The following ADGRL2 variants were observed in gnomAD, a reference collection of about 807,000 sequenced individuals.
ADGRL2 encodes the protein adhesion G protein-coupled receptor L2, also known as calcium-independent alpha-latrotoxin receptor 2.
Under a neutral mutation model 157.4 loss-of-function variants are expected in ADGRL2, and 44 were observed. The observed-to-expected ratio is 0.28, with a 90% CI of 0.22 to 0.36. The LOEUF (loss-of-function observed/expected upper bound fraction) is 0.36. ADGRL2 is among the 10% of genes least tolerant of loss of function. The pLI is 1.00. For missense variants in ADGRL2, 1,510 were observed against 1,768.9 expected (o/e 0.85, Z 2.63); for synonymous variants, 585 against 624.7 (o/e 0.94, Z 0.95).
At chr1:81,845,526 G>A (rs1274067468) in intron 2 of ADGRL2, among the ~76,000 whole-genome samples, 3 of 151,782 alleles carry the variant, frequency 2.0e-5, no homozygotes, top group Non-Finnish European at 2.9e-5. Context: ...TGTAAAAAAG[G>A]GTATCTGATT....
chr1:81,454,814 T>C (rs533514001), intron 2 of ADGRL2, among the ~76,000 whole-genome samples: 1 of 152,312 alleles, frequency 6.6e-6, no homozygotes, highest in Non-Finnish European at 1.5e-5. Context: ...CAAGCCAGAT[T>C]TGCTTAAACG....
At chr1:81,346,740 T>G (rs1411999498) in intron 1 of ADGRL2, among the ~76,000 whole-genome samples, 1 of 152,230 alleles carries the variant, frequency 6.6e-6, no homozygotes, top group African/African-American at 2.4e-5. Flanking sequence ...CACCTTGATC[T>G]TGGACTTCCC....
chr1:81,801,659 A>T (rs867345673), intron 1 of ADGRL2, among the ~76,000 whole-genome samples: 1 of 149,398 alleles, frequency 6.7e-6, no homozygotes. Flanking sequence ...CCGAAATGTG[A>T]GGAGGGGTCG....
At chr1:81,590,685 A>G (rs971585887) in intron 3 of ADGRL2, among the ~76,000 whole-genome samples, 4 of 152,148 alleles carry the variant, frequency 2.6e-5, no homozygotes, top group African/African-American at 4.8e-5. Flanking sequence ...GGATATTTCA[A>G]TCTTCCATAA....
At chr1:81,819,794 T>C (rs1200288686) in intron 1 of ADGRL2, among the ~76,000 whole-genome samples, 1 of 152,184 alleles carries the variant, frequency 6.6e-6, no homozygotes, top group Admixed American at 6.5e-5. Flanking sequence ...AGGGCCATTT[T>C]AGTAACATTC....
At chr1:81,481,150 A>G (rs866016611) in intron 2 of ADGRL2, among the ~76,000 whole-genome samples, 12 of 152,216 alleles carry the variant, frequency 7.9e-5, no homozygotes, top group South Asian at 4.1e-4. Context: ...TAAACATAAT[A>G]AAAATAACCA....
At chr1:81,315,332 T>TAA (rs138474331) in intron 1 of ADGRL2, among the ~76,000 whole-genome samples, 1 of 149,044 alleles carries the variant, frequency 6.7e-6, no homozygotes, top group Non-Finnish European at 1.5e-5. Flanking sequence ...TTCTTTGCCA[T>TAA]AAAAAAAAAA....
chr1:81,510,444 G>A (rs2079055355), intron 2 of ADGRL2, among the ~76,000 whole-genome samples: 1 of 151,970 alleles, frequency 6.6e-6, no homozygotes, highest in Admixed American at 6.6e-5. Flanking sequence ...GTGTTAACCT[G>A]ACAAACACAT....
At chr1:81,533,054 G>C (rs1419049132) in intron 2 of ADGRL2, among the ~76,000 whole-genome samples, 4 of 151,954 alleles carry the variant, frequency 2.6e-5, no homozygotes, top group African/African-American at 9.7e-5. Flanking sequence ...AGAGTGGTTA[G>C]AATTTTATTA....
At chr1:81,598,395 G>GA (rs751853836) in intron 3 of ADGRL2, among the ~76,000 whole-genome samples, 2 of 152,036 alleles carry the variant, frequency 1.3e-5, no homozygotes, top group African/African-American at 2.4e-5. Context: ...TATTAAGCGT[G>GA]AAAAAAATAT....
chr1:81,429,734 A>G (rs1172443147), intron 1 of ADGRL2, among the ~76,000 whole-genome samples: 1 of 152,236 alleles, frequency 6.6e-6, no homozygotes, highest in African/African-American at 2.4e-5. Context: ...GCAGTCTGAA[A>G]TGATACACAT....
intron 1 of ADGRL2, among the ~76,000 whole-genome samples, chr1:81,817,138 T>G (rs1186387162): frequency 6.6e-6 from 1 of 152,048 alleles, no homozygotes; most frequent in Non-Finnish European, 1.5e-5. Flanking sequence ...TGTCTGTTTT[T>G]CTATTCTGTA....
At chr1:81,633,313 T>G (rs1247102864) in intron 3 of ADGRL2, among the ~76,000 whole-genome samples, 3 of 152,012 alleles carry the variant, frequency 2.0e-5, no homozygotes, top group East Asian at 3.9e-4. Context: ...GAGAACATGC[T>G]GGGCGGGCGC....
At chr1:81,352,262 A>G (rs939828157) in intron 1 of ADGRL2, among the ~76,000 whole-genome samples, 8 of 152,216 alleles carry the variant, frequency 5.3e-5, no homozygotes, top group African/African-American at 1.7e-4. Flanking sequence ...AAGTCTCAAC[A>G]TATCAGTGGA....
intron 1 of ADGRL2, among the ~76,000 whole-genome samples, chr1:81,395,327 CT>C (rs530829008): frequency 6.6e-6 from 1 of 151,918 alleles, no homozygotes; most frequent in African/African-American, 2.4e-5. Context: ...ACTTGTATGT[CT>C]TTTTTTGAGA....
At chr1:81,405,006 C>T (rs979643293) in intron 1 of ADGRL2, among the ~76,000 whole-genome samples, 10 of 152,112 alleles carry the variant, frequency 6.6e-5, no homozygotes, top group Non-Finnish European at 1.5e-4. Context: ...TTCAGTTATT[C>T]CTCAAGAGTG....
chr1:81,787,953 C>T (rs141332452), intron 2 of ADGRL2, among the ~76,000 whole-genome samples: 1 of 152,106 alleles, frequency 6.6e-6, no homozygotes, highest in African/African-American at 2.4e-5. Context: ...TTATTGAGCA[C>T]CAGAGCTCAA....
intron 2 of ADGRL2, among the ~76,000 whole-genome samples, chr1:81,841,932 A>T (rs192570196): frequency 6.6e-6 from 1 of 152,294 alleles, no homozygotes; most frequent in East Asian, 1.9e-4. Flanking sequence ...AGGCATTGGG[A>T]TGAGCGATAG....
chr1:81,325,761 C>T (rs1036062324), intron 1 of ADGRL2, among the ~76,000 whole-genome samples: 1 of 152,096 alleles, frequency 6.6e-6, no homozygotes, highest in Non-Finnish European at 1.5e-5. Flanking sequence ...CCCAGCACTC[C>T]CAGACAATCA....
Sources: gnomAD v4.1 joint callset for allele counts (sites outside exome capture counted in the v4.1 genomes callset) on GRCh38, gnomAD v4.1.1 for gene constraint, MANE v1.5 for transcripts, NCBI Gene and HGNC (gene_info 2026-07-23, HGNC 2026-07-21) for gene names.